MAMDC2: variants seen among roughly 807,000 people sequenced by gnomAD.
MAMDC2 encodes the protein MAM domain-containing protein 2.
Under a neutral mutation model 89.8 loss-of-function variants are expected in MAMDC2, and 57 were observed. That is an observed-to-expected ratio of 0.63 (90% CI 0.51 to 0.79). MAMDC2 has a LOEUF of 0.79. Among genes scored for constraint, MAMDC2 ranks in the 30% least tolerant of loss-of-function variants. MAMDC2 has a pLI of 0.00. For missense variants in MAMDC2, 800 were observed against 820.6 expected (o/e 0.97, Z 0.31); for synonymous variants, 313 against 293.4 (o/e 1.07, Z -0.68).
chr9:70,155,330 A>G (rs1468876551), intron 9 of MAMDC2, among the ~76,000 whole-genome samples: 1 of 152,134 alleles, frequency 6.6e-6, no homozygotes, highest in Admixed American at 6.5e-5. Flanking sequence ...CTCCCAAAGG[A>G]TAAAGGCATC....
chr9:70,158,026 A>C (rs1312569001), intron 9 of MAMDC2, among the ~76,000 whole-genome samples: 1 of 152,134 alleles, frequency 6.6e-6, no homozygotes, highest in Non-Finnish European at 1.5e-5. Context: ...GTGTGATCAT[A>C]GCTCACTGTA....
At chr9:70,219,609 C>T (rs117787294) in intron 12 of MAMDC2, among the ~76,000 whole-genome samples, 2,551 of 152,254 alleles carry the variant, frequency 0.017, 35 homozygotes, top group South Asian at 0.059. Flanking sequence ...GGCCAAGTTG[C>T]AGTGCAGTCA....
intron 2 of MAMDC2, chr9:70,082,175 G>T (rs1031406256): frequency 1.3e-5 from 2 of 152,040 alleles, no homozygotes; most frequent in Non-Finnish European, 2.9e-5. Flanking sequence ...TACAGAATGT[G>T]GCTGAGTCCA....
intron 8 of MAMDC2, among the ~76,000 whole-genome samples, chr9:70,140,873 G>C (rs1039736722): frequency 6.6e-6 from 1 of 152,198 alleles, no homozygotes; most frequent in African/African-American, 2.4e-5. Context: ...GTGGACACTT[G>C]ATGGATATAT....
intron 2 of MAMDC2, among the ~76,000 whole-genome samples, chr9:70,054,976 G>T (rs1410599879): frequency 6.6e-6 from 1 of 152,100 alleles, no homozygotes; most frequent in Non-Finnish European, 1.5e-5. Flanking sequence ...ATTTTGGGAG[G>T]CTGAGGTGGG....
chr9:70,070,172 T>G (rs933432894), intron 2 of MAMDC2, among the ~76,000 whole-genome samples: 1 of 152,190 alleles, frequency 6.6e-6, no homozygotes, highest in Non-Finnish European at 1.5e-5. Flanking sequence ...AGGCACAAAA[T>G]GGGCATGGGC....
At chr9:70,218,281 G>A in intron 11 of MAMDC2, 56 bp from the exon 12 acceptor site, 1 of 1,545,054 alleles carries the variant, frequency 6.5e-7, no homozygotes, top group Admixed American at 1.9e-5. Flanking sequence ...ATTATGAAAG[G>A]AGAAAATGTA....
chr9:70,212,602 T>C (rs1457138176), intron 11 of MAMDC2, among the ~76,000 whole-genome samples: 5 of 152,148 alleles, frequency 3.3e-5, no homozygotes, highest in African/African-American at 1.2e-4. Context: ...CCACCCTGCT[T>C]CAGCTCACAC....
chr9:70,079,826 G>A (rs1163959018), intron 2 of MAMDC2, among the ~76,000 whole-genome samples: 2 of 152,122 alleles, frequency 1.3e-5, no homozygotes, highest in African/African-American at 4.8e-5. Context: ...TGTGCCTTCG[G>A]CCTGTCCCCA....
At position 70,108,399 on chromosome 9, in the gene MAMDC2, C is replaced by A. The variant is rs375577955; in HGVS notation, c.337C>A (p.Arg113Ser). ...GAGATTTGAAGATGAAAGCTTTGAT[C>A]GCTTGCTTTGGTCAGCTAAGGAACC... ...YMRFEDESFD[R>S]LLWSAKEPSD... The change falls in exon 3 of 14, where the codon CGC becomes AGC. Residue 113 changes from arginine (R) to serine (S), a missense_variant. Physicochemically the swap from Arg to Ser is moderately radical, Grantham distance 110 (BLOSUM62 -1). Coordinates refer to ENST00000377182, the MANE Select transcript of MAMDC2 (RefSeq NM_153267.5). The A allele has an allele frequency of 1.2e-6, 2 of 1,613,964 alleles. No homozygotes were observed. The highest frequency in any genetic ancestry group is 2.7e-5 in the African/African-American group (2 of 74,940).
chr9:70,125,087 A>G (rs539698614), intron 5 of MAMDC2, among the ~76,000 whole-genome samples: 5 of 152,372 alleles, frequency 3.3e-5, no homozygotes, highest in Admixed American at 6.5e-5. Flanking sequence ...TTGTAAACAG[A>G]AAGGGCATTC....
chr9:70,110,914 G>A (rs1175996104), intron 4 of MAMDC2, among the ~76,000 whole-genome samples: 1 of 152,214 alleles, frequency 6.6e-6, no homozygotes, highest in East Asian at 1.9e-4. Context: ...CTAAATGAAT[G>A]TGACGGGGAA....
At chr9:70,074,562 G>A (rs1827485941) in intron 2 of MAMDC2, among the ~76,000 whole-genome samples, 1 of 152,198 alleles carries the variant, frequency 6.6e-6, no homozygotes, top group African/African-American at 2.4e-5. Context: ...GGTAGGCAGA[G>A]GAGATGCCTG....
intron 9 of MAMDC2, among the ~76,000 whole-genome samples, chr9:70,168,136 G>A (rs751747482): frequency 3.9e-5 from 6 of 152,122 alleles, no homozygotes; most frequent in Admixed American, 2.6e-4. Flanking sequence ...AATTCTTTAC[G>A]AAATGCCACT....
intron 5 of MAMDC2, among the ~76,000 whole-genome samples, chr9:70,119,847 G>T (rs1440384072): frequency 1.3e-5 from 2 of 152,212 alleles, no homozygotes; most frequent in African/African-American, 4.8e-5. Flanking sequence ...AGGGACAAAA[G>T]GTTTCACTTG....
intron 11 of MAMDC2, among the ~76,000 whole-genome samples, chr9:70,182,951 T>C (rs577631971): frequency 6.6e-6 from 1 of 152,342 alleles, no homozygotes; most frequent in South Asian, 2.1e-4. Flanking sequence ...AGGGTGTCGA[T>C]TTTAGATCTT....
rs201596629 is a variant in MAMDC2 at position 70,212,207 on chromosome 9, C to G, written c.1652-6130C>G. Among the ~76,000 whole-genome samples, 6 of 152,366 alleles carry G rather than the reference C, an allele frequency of 3.9e-5. No homozygotes were observed. The East Asian group carries it at 1.2e-3, about 29-fold the overall frequency. On this transcript the variant is annotated intron_variant, in intron 11 of 13. Coordinates refer to ENST00000377182, the MANE Select transcript of MAMDC2 (RefSeq NM_153267.5). ...GAAGTTTCTGCTGCCTTTTGTTCAG[C>G]TATGCCCTGCCCCCACAGGTGGAGT...
chr9:70,109,922 T>C (rs1220939926), intron 4 of MAMDC2, 118 bp downstream of exon 4: 19 of 776,504 alleles, frequency 2.4e-5, no homozygotes. Flanking sequence ...CACTGCATAA[T>C]GCATACTGGT....
chr9:70,181,629 A>G (rs927402880), intron 11 of MAMDC2, among the ~76,000 whole-genome samples: 1 of 151,988 alleles, frequency 6.6e-6, no homozygotes, highest in Non-Finnish European at 1.5e-5. Flanking sequence ...GTGAATGGGA[A>G]GTTCACTCAT....
Sources: allele counts gnomAD v4.1 joint callset (sites outside exome capture counted in the v4.1 genomes callset), GRCh38; gene constraint gnomAD v4.1.1; transcripts MANE v1.5; gene names NCBI Gene and HGNC (gene_info 2026-07-23, HGNC 2026-07-21).